The following TNRC6B variants were observed in gnomAD, a reference collection of about 807,000 sequenced individuals.
The protein encoded by TNRC6B is trinucleotide repeat-containing gene 6B protein.
In TNRC6B, 52 loss-of-function variants were observed where a neutral mutation model predicts 203.6. That is an observed-to-expected ratio of 0.26 (90% CI 0.20 to 0.32). The LOEUF is 0.32. TNRC6B is among the 10% of genes least tolerant of loss of function. The pLI, the probability that TNRC6B is intolerant of heterozygous loss-of-function variation, is 1.00. For missense variants in TNRC6B, 1,923 were observed against 2,286.2 expected (o/e 0.84, Z 3.24); for synonymous variants, 838 against 845.7 (o/e 0.99, Z 0.16).
intron 1 of TNRC6B, among the ~76,000 whole-genome samples, chr22:40,088,139 T>C (rs1457460544): frequency 6.6e-6 from 1 of 152,204 alleles, no homozygotes; most frequent in Non-Finnish European, 1.5e-5. Context: ...AGTTGTACCT[T>C]TAAAAGACTT....
chr22:40,116,274 C>A (rs2068387323), intron 1 of TNRC6B, among the ~76,000 whole-genome samples: 1 of 152,186 alleles, frequency 6.6e-6, no homozygotes, highest in Admixed American at 6.5e-5. Context: ...CTCTGCTGGG[C>A]TCGCCATTGC....
intron 1 of TNRC6B, among the ~76,000 whole-genome samples, chr22:40,074,528 C>A (rs2067988033): frequency 6.6e-6 from 1 of 152,032 alleles, no homozygotes; most frequent in African/African-American, 2.4e-5. Flanking sequence ...CCTGTAATCC[C>A]TGCACTTTGG....
Position 40,329,355 on chromosome 22 carries a change from A to G in TNRC6B, c.*6114A>G, listed in dbSNP as rs1311860727. 2 of 152,218 alleles carry G rather than the reference A, an allele frequency of 1.3e-5. No individual in the cohort carries two copies. The highest frequency in any genetic ancestry group is 4.8e-5 in the African/African-American group (2 of 41,436). The allele number at this position is 152,218 out of a possible 1,614,324, so 9.4% of individuals were successfully genotyped here. A position where few individuals can be genotyped will look rare whatever the true frequency, so the allele number is the denominator to read the frequency against. On this transcript the variant is annotated 3_prime_UTR_variant, in exon 23 of 23. Transcript: ENST00000454349. ...TTCCAGAGTTAGTGCAGACCCTGTGATAACAGTCTGTGGGTTTGTGGCCAG... is the reference window on the plus strand; with the variant it reads ...TTCCAGAGTTAGTGCAGACCCTGTGGTAACAGTCTGTGGGTTTGTGGCCAG...
chr22:40,241,479 C>T (rs928683441), intron 1 of TNRC6B, among the ~76,000 whole-genome samples: 2 of 152,226 alleles, frequency 1.3e-5, no homozygotes, highest in Non-Finnish European at 1.5e-5. Flanking sequence ...AGCCTTAAAA[C>T]TTTTGAAGAT....
chr22:40,201,435 T>C lies in TNRC6B; in HGVS notation c.5+23295T>C, dbSNP rs535672249. 4.0e-5 allele frequency among the ~76,000 whole-genome samples: 6 copies of C among 151,898 alleles called. No individual in the cohort carries two copies. In the South Asian group the frequency reaches 1.2e-3, roughly 32 times the overall value. On this transcript the variant is annotated intron_variant, in intron 1 of 22. Coordinates refer to ENST00000454349, the MANE Select transcript of TNRC6B (RefSeq NM_001162501.2). ...GTTTGGTGCATTTTCTTTTTCTTTTTCTTTTTTGTTTTTTTTTTGAGACAG... is the reference window on the plus strand; with the variant it reads ...GTTTGGTGCATTTTCTTTTTCTTTTCCTTTTTTGTTTTTTTTTTGAGACAG...
At chr22:40,261,729 C>A in intron 3 of TNRC6B, 103 bp from the exon 4 acceptor site, 1 of 1,057,248 alleles carries the variant, frequency 9.5e-7, no homozygotes, top group Non-Finnish European at 1.3e-6. Flanking sequence ...GGCAACATGG[C>A]AAGACCCCAT....
At position 40,311,543 on chromosome 22, in the gene TNRC6B, A is replaced by AT. The variant is rs879411389; in HGVS notation, c.4435+565dup. Among the ~76,000 whole-genome samples the AT allele has an allele frequency of 3.3e-3, 482 of 144,220 alleles. 3 individuals carry two copies. The highest frequency in any genetic ancestry group is 4.0e-3 in the East Asian group (20 of 4,978). The allele number at this position is 144,220 out of a possible 152,430, so 94.6% of individuals were successfully genotyped here. A position where few individuals can be genotyped will look rare whatever the true frequency, so the allele number is the denominator to read the frequency against. On this transcript the variant is annotated intron_variant, in intron 17 of 22. Transcript: ENST00000454349. The stretch of plus-strand genomic sequence containing the variant: ...TATAGTTTCGTTTTATTAAGGTAGA[A>AT]TTTTTTTTTTTTTTTGAAAGGGAGT...
chr22:40,121,963 A>C (rs775676052), intron 2 of TNRC6B, among the ~76,000 whole-genome samples: 8 of 152,250 alleles, frequency 5.3e-5, no homozygotes, highest in African/African-American at 1.9e-4. Flanking sequence ...AAGCTTCTAC[A>C]AGAAAATACT....
chr22:40,123,503 T>A (rs1421932825), intron 2 of TNRC6B, among the ~76,000 whole-genome samples: 1 of 152,160 alleles, frequency 6.6e-6, no homozygotes, highest in East Asian at 1.9e-4. Flanking sequence ...TCTCCCGACC[T>A]CCTGTCTCCA....
intron 22 of TNRC6B, 198 bp downstream of exon 22, chr22:40,321,427 T>C (rs2146579657): frequency 1.8e-6 from 1 of 564,216 alleles, no homozygotes; most frequent in East Asian, 2.9e-5. Context: ...GTCCTGTATA[T>C]ATCAGAGGCC....
chr22:40,256,456 C>G (rs561431205), intron 3 of TNRC6B, among the ~76,000 whole-genome samples: 9 of 152,298 alleles, frequency 5.9e-5, no homozygotes, highest in African/African-American at 1.9e-4. Context: ...GGCCTCACTG[C>G]CAACTTTTTT....
chr22:40,158,549 T>C (rs896740757), intron 4 of TNRC6B, among the ~76,000 whole-genome samples: 1 of 152,182 alleles, frequency 6.6e-6, no homozygotes, highest in African/African-American at 2.4e-5. Flanking sequence ...TATTTAGGTA[T>C]TCAGGAAATG....
rs538236362 is a variant in TNRC6B, at chr22:40,079,583, A to ATATATT, written c.-121+34586_-121+34587insATATTT. ...ATCCCAAATCTAAGTATATATATAT[A>ATATATT]TTTTTTATGATATGAAGAAGCAGGT... On this transcript the variant is annotated intron_variant, in intron 1 of 23. Coordinates refer to the TNRC6B transcript ENST00000301923. Among the ~76,000 whole-genome samples, 1,150 of 151,452 alleles carry ATATATT rather than the reference A, an allele frequency of 7.6e-3. 9 individuals carry two copies. Among genetic ancestry groups the ATATATT allele is most frequent in the African/African-American group, 0.025 (1,051 of 41,266 alleles).
At position 40,227,810 on chromosome 22, in the gene TNRC6B, G is replaced by T. The variant is rs553412501; in HGVS notation, c.6-18205G>T. 3.3e-5 allele frequency among the ~76,000 whole-genome samples: 5 copies of T among 152,262 alleles called. No individual in the cohort carries two copies. The East Asian group carries it at 5.8e-4, about 18-fold the overall frequency. ...AAAGCAGATAAAAAAAATGCAACAT[G>T]AAAAGGAAAACACCTGAATGTTTAG... On this transcript the variant is annotated intron_variant, in intron 1 of 22. Coordinates refer to ENST00000454349, the MANE Select transcript of TNRC6B (RefSeq NM_001162501.2).
At chr22:40,230,456 T>C (rs1387537013) in intron 1 of TNRC6B, among the ~76,000 whole-genome samples, 1 of 151,856 alleles carries the variant, frequency 6.6e-6, no homozygotes, top group African/African-American at 2.4e-5. Flanking sequence ...ACCATTCGGC[T>C]AATTTTTGTT....
intron 1 of TNRC6B, among the ~76,000 whole-genome samples, chr22:40,190,051 A>G (rs963172040): frequency 1.3e-5 from 2 of 152,204 alleles, no homozygotes; most frequent in African/African-American, 4.8e-5. Flanking sequence ...TGGGAACCAC[A>G]TCCTAATTAT....
chr22:40,047,066 C>T (rs567544568), intron 1 of TNRC6B, among the ~76,000 whole-genome samples: 21 of 152,252 alleles, frequency 1.4e-4, no homozygotes, highest in Non-Finnish European at 2.5e-4. Flanking sequence ...TAATTCTTAG[C>T]CCAAGCCTGT....
chr22:40,080,771 A>G (rs374634826), intron 1 of TNRC6B, among the ~76,000 whole-genome samples: 2 of 151,118 alleles, frequency 1.3e-5, no homozygotes, highest in African/African-American at 4.9e-5. Flanking sequence ...AATTCCTGCT[A>G]GGCTGCAAAG....
chr22:40,241,262 A>G (rs529607383), intron 1 of TNRC6B, among the ~76,000 whole-genome samples: 1 of 152,332 alleles, frequency 6.6e-6, no homozygotes, highest in South Asian at 2.1e-4. Flanking sequence ...CACCAATACT[A>G]TAGTCTGTTT....
Sources: gnomAD v4.1 joint callset for allele counts (sites outside exome capture counted in the v4.1 genomes callset) on GRCh38, gnomAD v4.1.1 for gene constraint, MANE v1.5 for transcripts, NCBI Gene and HGNC (gene_info 2026-07-23, HGNC 2026-07-21) for gene names.